EVL: variants seen among roughly 807,000 people sequenced by gnomAD.
EVL encodes the protein ena/VASP-like protein.
Under a neutral mutation model 59.6 loss-of-function variants are expected in EVL, and 21 were observed. That is an observed-to-expected ratio of 0.35 (90% CI 0.25 to 0.51). EVL has a LOEUF of 0.51. Among genes scored for constraint, EVL ranks in the 20% least tolerant of loss-of-function variants. EVL has a pLI of 0.97. For missense variants in EVL, 462 were observed against 546.6 expected (o/e 0.85, Z 1.54); for synonymous variants, 198 against 203.5 (o/e 0.97, Z 0.23).
At position 100,143,843 on chromosome 14, in the gene EVL, C is replaced by G. The variant is rs1486153632; in HGVS notation, c.*105C>G. 1 of 1,368,146 alleles carries G rather than the reference C, an allele frequency of 7.3e-7. No homozygotes were observed. Among genetic ancestry groups the G allele is most frequent in the African/African-American group, 1.4e-5 (1 of 69,826 alleles). 84.8% of individuals were successfully genotyped at this position (1,368,146 alleles called of 1,614,324 possible). A position where few individuals can be genotyped will look rare whatever the true frequency, so the allele number is the denominator to read the frequency against. On this transcript the variant is annotated 3_prime_UTR_variant, in exon 14 of 14. Coordinates refer to ENST00000392920, the MANE Select transcript of EVL (RefSeq NM_016337.3). ...CAGTGCACCAGAGCACGCACAGGAG[C>G]CTGGGCGCGCTGCTGTGAAACGTCC...
At chr14:100,050,537 G>A (rs2140246626) in intron 1 of EVL, among the ~76,000 whole-genome samples, 1 of 151,808 alleles carries the variant, frequency 6.6e-6, no homozygotes, top group South Asian at 2.1e-4. Flanking sequence ...TTTTAGTAGA[G>A]ACGGGGTTTC....
At chr14:100,085,199 A>G (rs2062413486) in intron 2 of EVL, 2 of 178,276 alleles carry the variant, frequency 1.1e-5, no homozygotes, top group African/African-American at 4.7e-5. Flanking sequence ...TATGTAAGGT[A>G]GCTATTAAGA....
chr14:100,056,942 G>T (rs938295620), intron 1 of EVL, among the ~76,000 whole-genome samples: 18 of 152,338 alleles, frequency 1.2e-4, no homozygotes, highest in African/African-American at 4.3e-4. Flanking sequence ...TTCCTAAAGG[G>T]TAATGCTCTG....
At chr14:100,140,853 A>G (rs1566734824) in intron 11 of EVL, 2 of 234,116 alleles carry the variant, frequency 8.5e-6, no homozygotes, top group Non-Finnish European at 1.7e-5. Flanking sequence ...GTTTCTTTCC[A>G]GGGAGGCAAC....
At chr14:99,986,214 C>T (rs140211612) in intron 1 of EVL, among the ~76,000 whole-genome samples, 4,030 of 150,082 alleles carry the variant, frequency 0.027, 81 homozygotes, top group Non-Finnish European at 0.042. Context: ...ATCGCTTGAA[C>T]CTGGGAGGTG....
At chr14:100,110,677 C>G (rs570279520) in intron 3 of EVL, among the ~76,000 whole-genome samples, 2 of 152,134 alleles carry the variant, frequency 1.3e-5, no homozygotes, top group African/African-American at 2.4e-5. Flanking sequence ...GCATGCCTCA[C>G]GGGTGCCCCT....
At chr14:100,119,401 T>A (rs757002497) in intron 3 of EVL, among the ~76,000 whole-genome samples, 26 of 152,136 alleles carry the variant, frequency 1.7e-4, no homozygotes, top group Non-Finnish European at 3.7e-4. Flanking sequence ...GGGGCCAGCG[T>A]CACAAACCCT....
intron 1 of EVL, among the ~76,000 whole-genome samples, chr14:100,013,695 C>G (rs1325391452): frequency 6.6e-6 from 1 of 152,192 alleles, no homozygotes; most frequent in East Asian, 1.9e-4. Flanking sequence ...TGTTTCATCT[C>G]CACACAGCAC....
chr14:99,995,702 C>T (rs760102169), intron 1 of EVL, among the ~76,000 whole-genome samples: 2 of 152,152 alleles, frequency 1.3e-5, no homozygotes, highest in Non-Finnish European at 2.9e-5. Context: ...GAAAAAACAG[C>T]ACCCCTCCCA....
Position 100,141,046 on chromosome 14 carries a change from G to A in EVL, c.1095-134G>A, listed in dbSNP as rs1039414754. ...AATCCTTCTCAGGCAGTCTGAGGTG[G>A]CCAGAGTCTGAAGCAAGCAGCCTCT... On this transcript the variant is annotated intron_variant, in intron 11 of 13. Transcript: ENST00000392920. The A allele has an allele frequency of 3.0e-5, 22 of 732,152 alleles. No homozygotes were observed. In the East Asian group the frequency reaches 6.4e-4, roughly 21 times the overall value. The allele number at this position is 732,152 out of a possible 1,614,324, so 45.4% of individuals were successfully genotyped here.
intron 11 of EVL, chr14:100,140,557 AGTGAGC>A (rs1889102914): frequency 6.6e-6 from 1 of 151,158 alleles, no homozygotes. Context: ...CAGAGGTTGC[AGTGAGC>A]CAAGATTGCG....
chr14:99,973,413 A>G (rs1475249327), intron 1 of EVL, among the ~76,000 whole-genome samples: 1 of 152,106 alleles, frequency 6.6e-6, no homozygotes, highest in African/African-American at 2.4e-5. Flanking sequence ...TTTATTTGGT[A>G]TAGTTTTCTG....
At chr14:100,117,495 CTG>C (rs1887427698) in intron 3 of EVL, among the ~76,000 whole-genome samples, 1 of 152,218 alleles carries the variant, frequency 6.6e-6, no homozygotes, top group African/African-American at 2.4e-5. Context: ...CTTGGTGACT[CTG>C]TGGAGGGCTT....
intron 1 of EVL, among the ~76,000 whole-genome samples, chr14:100,046,432 C>T (rs117530858): frequency 0.018 from 2,691 of 152,134 alleles, 34 homozygotes; most frequent in Non-Finnish European, 0.026. Flanking sequence ...TTTGGGAGGC[C>T]CAGGCGGGCA....
intron 11 of EVL, chr14:100,140,198 CTG>C (rs1437247739): frequency 2.6e-5 from 4 of 152,214 alleles, no homozygotes; most frequent in African/African-American, 9.6e-5. Flanking sequence ...TGATACGCCT[CTG>C]TACTCCAGCC....
At position 100,132,736 on chromosome 14, in the gene EVL, A is replaced by T. The variant is rs1435165437; in HGVS notation, c.857A>T (p.Gln286Leu). 1.2e-6 allele frequency: 2 copies of T among 1,614,204 alleles called. No homozygotes were observed. Among genetic ancestry groups the T allele is most frequent in the Non-Finnish European group, 1.7e-6 (2 of 1,180,032 alleles). The change falls in exon 8 of 14, where the codon CAG (glutamine) becomes CTG (leucine). Residue 286 changes from glutamine (Q) to leucine (L), a missense_variant. By Grantham distance (113) the Gln-to-Leu change is moderately radical. Transcript: ENST00000392920. ...LLAKRRKAASQSDKPAEKKED... is the reference protein window; with the variant it reads ...LLAKRRKAASLSDKPAEKKED... ...GTGCCTAGGAGAAAAGCAGCCTCCC[A>T]GTCAGACAAGCCAGCCGAGAAGAAG...
intron 3 of EVL, 144 bp from the exon 4 acceptor site, chr14:100,123,395 G>T: frequency 1.4e-6 from 1 of 712,482 alleles, no homozygotes; most frequent in Non-Finnish European, 2.5e-6. Context: ...ATGCACAGGT[G>T]TGAGTGAGGC....
In EVL at chr14:100,143,682, G is replaced by A. The variant is rs370186482; in HGVS notation, c.1220-19G>A. 1.0e-4 allele frequency: 165 copies of A among 1,611,016 alleles called. No individual in the cohort carries two copies. Among genetic ancestry groups the A allele is most frequent in the South Asian group, 1.8e-4 (16 of 91,016 alleles). On this transcript the variant is annotated intron_variant, in intron 13 of 13. Coordinates refer to ENST00000392920, the MANE Select transcript of EVL (RefSeq NM_016337.3). Reference sequence around the variant, plus strand: ...CACTGGTCATGGCTGCACCTGAGCCGCCGCCACCTGTCCCGCAGCCATCAG... The same window carrying A: ...CACTGGTCATGGCTGCACCTGAGCCACCGCCACCTGTCCCGCAGCCATCAG...
At chr14:100,066,149 C>T (rs1449835096) in intron 1 of EVL, among the ~76,000 whole-genome samples, 1 of 152,218 alleles carries the variant, frequency 6.6e-6, no homozygotes, top group Non-Finnish European at 1.5e-5. Flanking sequence ...GATGATAGGA[C>T]AGACAGACTT....
Sources: allele counts gnomAD v4.1 joint callset (sites outside exome capture counted in the v4.1 genomes callset), GRCh38; gene constraint gnomAD v4.1.1; transcripts MANE v1.5; gene names NCBI Gene and HGNC (gene_info 2026-07-23, HGNC 2026-07-21).